Variants in KLRD1 observed in about 807,000 individuals in gnomAD.
The protein encoded by KLRD1 is killer cell lectin like receptor D1, also known as natural killer cells antigen CD94.
Under a neutral mutation model 22.6 loss-of-function variants are expected in KLRD1, and 21 were observed. That is an observed-to-expected ratio of 0.93 (90% confidence interval 0.66 to 1.34). The LOEUF is 1.34. Among genes scored for constraint, KLRD1 ranks in the 40% most tolerant of loss-of-function variants. The pLI is 0.00. For synonymous variants in KLRD1, 59 were observed against 71.1 expected (o/e 0.83, Z 0.85); for missense variants, 183 against 208.6 (o/e 0.88, Z 0.76).
At chr12:10,240,770 A>G (rs1457639436) in intron 1 of KLRD1, among the ~76,000 whole-genome samples, 5 of 152,182 alleles carry the variant, frequency 3.3e-5, no homozygotes. Context: ...TTTTAAGTAC[A>G]TTTAAGTCAG....
chr12:10,313,345 C>T (rs891078400), intron 4 of KLRD1, 65 bp from the exon 5 acceptor site: 8 of 920,146 alleles, frequency 8.7e-6, no homozygotes, highest in Non-Finnish European at 4.9e-6. Context: ...GACTTTCCCT[C>T]AAAATATGTT....
upstream of KLRD1, among the ~76,000 whole-genome samples, chr12:10,301,351 A>C (rs1949864695): frequency 6.6e-6 from 1 of 152,164 alleles, no homozygotes; most frequent in African/African-American, 2.4e-5. Flanking sequence ...CACCAATGCC[A>C]CCCAGTGTGG....
intron 1 of KLRD1, among the ~76,000 whole-genome samples, chr12:10,278,209 G>A (rs745455095): frequency 3.0e-4 from 45 of 152,250 alleles, no homozygotes; most frequent in Middle Eastern, 3.4e-3. Flanking sequence ...GTAGCTGTCC[G>A]TTGAGCCTCA....
At chr12:10,268,497 A>T (rs767766297) in intron 1 of KLRD1, among the ~76,000 whole-genome samples, 4 of 152,188 alleles carry the variant, frequency 2.6e-5, no homozygotes, top group Non-Finnish European at 4.4e-5. Context: ...TATATAAGAA[A>T]GCTATTTTAA....
At chr12:10,247,365 A>G (rs1949302451) in intron 1 of KLRD1, among the ~76,000 whole-genome samples, 1 of 152,074 alleles carries the variant, frequency 6.6e-6, no homozygotes, top group Admixed American at 6.6e-5. Flanking sequence ...AACATTTATA[A>G]TTTATTTTTT....
In KLRD1 at chr12:10,309,459, T is replaced by C. The variant is rs1950003244; in HGVS notation, c.79T>C (p.Leu27=). 4.0e-6 allele frequency: 6 copies of C among 1,518,512 alleles called. No homozygotes were observed. In the African/African-American group the frequency reaches 6.8e-5, roughly 17 times the overall value. The allele number at this position is 1,518,512 out of a possible 1,614,324, so 94.1% of individuals were successfully genotyped here. A position where few individuals can be genotyped will look rare whatever the true frequency, so the allele number is the denominator to read the frequency against. ...GIICLSLMST[L]GILLKNSFTK... is the part of the protein sequence containing the mutation. ...AATATGCCTTTCGTTGATGTCTACG[T>C]TGGGAATTTTGTTGAAAAATTGTAA... The change falls in exon 2 of 6, where the codon TTG becomes CTG. Residue 27 remains leucine (L), a synonymous_variant. Coordinates refer to ENST00000336164, the MANE Select transcript of KLRD1 (RefSeq NM_002262.5).
At chr12:10,244,411 G>A (rs1949271700) in intron 1 of KLRD1, among the ~76,000 whole-genome samples, 1 of 151,960 alleles carries the variant, frequency 6.6e-6, no homozygotes, top group Non-Finnish European at 1.5e-5. Flanking sequence ...CAGTGTCTGG[G>A]GTATCAAGCT....
chr12:10,312,174 T>C (rs1056940555), intron 4 of KLRD1, among the ~76,000 whole-genome samples: 1 of 150,506 alleles, frequency 6.6e-6, no homozygotes, highest in Non-Finnish European at 1.5e-5. Flanking sequence ...TGCCTCAGCC[T>C]CCTGAGTAGC....
intron 1 of KLRD1, among the ~76,000 whole-genome samples, chr12:10,277,189 T>C (rs1949600510): frequency 6.8e-6 from 1 of 147,648 alleles, no homozygotes; most frequent in African/African-American, 2.5e-5. Flanking sequence ...ATCTCAAACA[T>C]GCAGGGTACA....
At chr12:10,245,849 T>C (rs998716150) in intron 1 of KLRD1, among the ~76,000 whole-genome samples, 14 of 152,178 alleles carry the variant, frequency 9.2e-5, no homozygotes, top group Admixed American at 2.0e-4. Flanking sequence ...AGGAAAAGTC[T>C]TACCCTGTCA....
In KLRD1 at chr12:10,310,457, C is replaced by T. The variant is rs143848052; in HGVS notation, c.163+769C>T. Among the ~76,000 whole-genome samples the T allele has an allele frequency of 1.0e-3, 155 of 152,264 alleles. 2 individuals carry two copies. Among genetic ancestry groups the T allele is most frequent in the Non-Finnish European group, 5.3e-4 (36 of 68,022 alleles). On this transcript the variant is annotated intron_variant, in intron 3 of 5. Transcript: ENST00000336164. ...TTCTAAATATGTATTTTTCGGAATG[C>T]GCCCCAAGTTGTCTCACCATCATCT...
chr12:10,263,079 T>C (rs748283502), intron 1 of KLRD1, among the ~76,000 whole-genome samples: 3 of 152,048 alleles, frequency 2.0e-5, no homozygotes, highest in Non-Finnish European at 4.4e-5. Flanking sequence ...GCTTCATATA[T>C]CTGTTTCCTT....
At position 10,311,584 on chromosome 12, in the gene KLRD1, G is replaced by A; in HGVS notation, c.284G>A (p.Ser95Asn). Residue 95 changes from serine to asparagine, a missense_variant, in exon 4 of 6, where the codon AGC (serine) becomes AAC (asparagine). By Grantham distance (46) the Ser-to-Asn change is conservative (BLOSUM62 1). Coordinates refer to ENST00000336164, the MANE Select transcript of KLRD1 (RefSeq NM_002262.5). ...CATCTCTGTGCTTCTCAGAAATCCA[G>A]CCTGCTTCAGCTTCAAAACACAGAT... is the stretch of plus-strand genomic sequence containing the variant. ...SRHLCASQKS[S>N]LLQLQNTDEL... The A allele has an allele frequency of 6.2e-7, 1 of 1,614,078 alleles. No individual in the cohort carries two copies. The highest frequency in any genetic ancestry group is 8.5e-7 in the Non-Finnish European group (1 of 1,179,950).
In KLRD1 at chr12:10,326,988, C is replaced by G. The variant is rs561118410; in HGVS notation, c.*12195C>G. 6.6e-6 allele frequency: 1 copy of G among 152,290 alleles called. No homozygotes were observed. Among genetic ancestry groups the G allele is most frequent in the East Asian group, 1.9e-4 (1 of 5,182 alleles). The allele number at this position is 152,290 out of a possible 1,614,324, so 9.4% of individuals were successfully genotyped here. ...AGATTGATGATATCATTGCCAAAAC[C>G]AATGTCAAAAGGTTTTCCTCTATGT... is the stretch of plus-strand genomic sequence containing the variant. On this transcript the variant is annotated 3_prime_UTR_variant, in exon 6 of 6. Coordinates refer to ENST00000336164, the MANE Select transcript of KLRD1 (RefSeq NM_002262.5).
At chr12:10,277,960 G>C (rs1949606851) in intron 1 of KLRD1, among the ~76,000 whole-genome samples, 1 of 152,142 alleles carries the variant, frequency 6.6e-6, no homozygotes, top group South Asian at 2.1e-4. Flanking sequence ...TGCACTATTT[G>C]ATCTCTACCA....
At position 10,327,243 on chromosome 12, in the gene KLRD1, T is replaced by C. The variant is rs1436035259; in HGVS notation, c.*12450T>C. On this transcript the variant is annotated 3_prime_UTR_variant, in exon 6 of 6. Coordinates refer to ENST00000336164, the MANE Select transcript of KLRD1 (RefSeq NM_002262.5). ...TTCCCAAGTTCTCCAATCTGTTTAA[T>C]TGGTCTATATGTTCATCTTTATGCC... 1 of 152,228 alleles carries C rather than the reference T, an allele frequency of 6.6e-6. No individual in the cohort carries two copies. The highest frequency in any genetic ancestry group is 2.4e-5 in the African/African-American group (1 of 41,470). The allele number at this position is 152,228 out of a possible 1,614,324, so 9.4% of individuals were successfully genotyped here. A position where few individuals can be genotyped will look rare whatever the true frequency, so the allele number is the denominator to read the frequency against.
rs1455931027 is a variant in KLRD1, at chr12:10,312,504, G to A, written c.315+889G>A. On this transcript the variant is annotated intron_variant, in intron 4 of 5. Coordinates refer to ENST00000336164, the MANE Select transcript of KLRD1 (RefSeq NM_002262.5). Reference sequence around the variant, plus strand: ...CGCCATTCTCCTGCCTCAGCCTCCCGAGTAGCTGGGACTACAGGCGCCCAC... The same window carrying A: ...CGCCATTCTCCTGCCTCAGCCTCCCAAGTAGCTGGGACTACAGGCGCCCAC... Among the ~76,000 whole-genome samples the A allele has an allele frequency of 2.6e-5, 4 of 151,620 alleles. No individual in the cohort carries two copies. The East Asian group carries it at 6.0e-4, about 23-fold the overall frequency.
At position 10,319,335 on chromosome 12, in the gene KLRD1, G is replaced by A. The variant is rs1950288574; in HGVS notation, c.*4542G>A. On this transcript the variant is annotated 3_prime_UTR_variant, in exon 6 of 6. Coordinates refer to ENST00000336164, the MANE Select transcript of KLRD1 (RefSeq NM_002262.5). ...CAGTTATGTCTGTTACTATCAATCTGTGTTCATTTTAAAGGGTGACAATCT... is the reference window on the plus strand; with the variant it reads ...CAGTTATGTCTGTTACTATCAATCTATGTTCATTTTAAAGGGTGACAATCT... 1 of 152,106 alleles carries A rather than the reference G, an allele frequency of 6.6e-6. No individual in the cohort carries two copies. Among genetic ancestry groups the A allele is most frequent in the Non-Finnish European group, 1.5e-5 (1 of 68,014 alleles). 9.4% of individuals were successfully genotyped at this position (152,106 alleles called of 1,614,324 possible).
At chr12:10,287,951 C>T (rs1949724452) in intron 1 of KLRD1, among the ~76,000 whole-genome samples, 1 of 151,930 alleles carries the variant, frequency 6.6e-6, no homozygotes, top group Admixed American at 6.6e-5. Context: ...GCCTGTAGTC[C>T]CAGCTACTCA....
Sources: gnomAD v4.1 joint callset for allele counts (sites outside exome capture counted in the v4.1 genomes callset) on GRCh38, gnomAD v4.1.1 for gene constraint, MANE v1.5 for transcripts, NCBI Gene and HGNC (gene_info 2026-07-23, HGNC 2026-07-21) for gene names.